The following CADM2 variants were observed in gnomAD, a reference collection of about 807,000 sequenced individuals.
CADM2 encodes immunoglobulin superfamily member 4D.
A neutral mutation model predicts 49.8 loss-of-function variants in CADM2; 12 were observed. The observed-to-expected ratio is 0.24, with a 90% CI of 0.15 to 0.39. The LOEUF (loss-of-function observed/expected upper bound fraction) is 0.39, where lower values mean the gene tolerates loss of function less well. CADM2 is among the 10% of genes least tolerant of loss of function. The pLI is 1.00. For missense variants in CADM2, 378 were observed against 492.3 expected (o/e 0.77, Z 2.20); for synonymous variants, 214 against 175.4 (o/e 1.22, Z -1.74).
intron 1 of CADM2, among the ~76,000 whole-genome samples, chr3:85,089,665 C>A (rs1262249132): frequency 6.6e-6 from 1 of 152,062 alleles, no homozygotes; most frequent in African/African-American, 2.4e-5. Flanking sequence ...TTAACTGGAA[C>A]ATTTTTTGTC....
intron 6 of CADM2, among the ~76,000 whole-genome samples, chr3:85,926,085 C>A (rs1450005336): frequency 6.6e-6 from 1 of 150,648 alleles, no homozygotes; most frequent in East Asian, 2.0e-4. Context: ...TGCAGTGAGC[C>A]GAGATCATAC....
At chr3:85,414,080 G>A (rs2107478046) in intron 1 of CADM2, among the ~76,000 whole-genome samples, 1 of 152,170 alleles carries the variant, frequency 6.6e-6, no homozygotes, top group Non-Finnish European at 1.5e-5. Flanking sequence ...GGTCAGGCTG[G>A]TCTCAAACTC....
chr3:85,629,861 A>G (rs1300754146), intron 1 of CADM2, among the ~76,000 whole-genome samples: 3 of 152,102 alleles, frequency 2.0e-5, no homozygotes, highest in African/African-American at 7.2e-5. Context: ...GTTTTCTTAA[A>G]CTTCTCAATT....
intron 1 of CADM2, among the ~76,000 whole-genome samples, chr3:85,393,280 G>C (rs2107405354): frequency 6.6e-6 from 1 of 152,178 alleles, no homozygotes; most frequent in South Asian, 2.1e-4. Flanking sequence ...CGCACATAAT[G>C]ATGTCCAAAG....
intron 8 of CADM2, chr3:85,994,577 C>G (rs988542884): frequency 6.6e-6 from 1 of 152,184 alleles, no homozygotes. Context: ...TTTCAGCATG[C>G]CTTCCTCACT....
At chr3:85,917,272 GT>G (rs1718476209) in intron 6 of CADM2, among the ~76,000 whole-genome samples, 1 of 152,086 alleles carries the variant, frequency 6.6e-6, no homozygotes, top group Non-Finnish European at 1.5e-5. Context: ...TATTGCCTAG[GT>G]TTTCTTCTAG....
intron 1 of CADM2, among the ~76,000 whole-genome samples, chr3:85,608,424 T>C (rs541427919): frequency 4.2e-4 from 64 of 152,264 alleles, no homozygotes; most frequent in African/African-American, 1.5e-3. Context: ...AAAAGGCTTA[T>C]TTTTGTTTAC....
chr3:85,839,370 T>A (rs1008968318), intron 3 of CADM2, among the ~76,000 whole-genome samples: 8 of 151,988 alleles, frequency 5.3e-5, no homozygotes, highest in Non-Finnish European at 1.0e-4. Flanking sequence ...CATTTTGTAA[T>A]ATTTATAATA....
chr3:85,896,900 T>C (rs1426565725), intron 5 of CADM2, among the ~76,000 whole-genome samples: 2 of 152,196 alleles, frequency 1.3e-5, no homozygotes, highest in Non-Finnish European at 1.5e-5. Context: ...GGTGGTAGTT[T>C]ACAAAATGCA....
At chr3:85,769,940 A>G (rs879371928) in intron 2 of CADM2, among the ~76,000 whole-genome samples, 34 of 152,048 alleles carry the variant, frequency 2.2e-4, no homozygotes, top group Non-Finnish European at 4.7e-4. Flanking sequence ...AAATAAAAAT[A>G]TGTGTTCAAA....
chr3:85,955,361 A>C (rs932380020), intron 7 of CADM2, among the ~76,000 whole-genome samples: 10 of 151,614 alleles, frequency 6.6e-5, no homozygotes, highest in African/African-American at 2.2e-4. Flanking sequence ...CAAATTTTGC[A>C]TAGTGTTTAA....
intron 1 of CADM2, among the ~76,000 whole-genome samples, chr3:85,668,283 C>T (rs1253938648): frequency 1.8e-5 from 2 of 109,652 alleles, no homozygotes; most frequent in Non-Finnish European, 3.4e-5. Flanking sequence ...TCATGTTTTC[C>T]TAGTACCAAA....
At chr3:85,012,374 C>G (rs997031656) in intron 1 of CADM2, among the ~76,000 whole-genome samples, 1 of 150,428 alleles carries the variant, frequency 6.6e-6, no homozygotes. Flanking sequence ...ATTTCCAATA[C>G]AGCCTAATGT....
chr3:85,839,806 T>C (rs1221337961), intron 3 of CADM2, among the ~76,000 whole-genome samples: 1 of 151,892 alleles, frequency 6.6e-6, no homozygotes, highest in African/African-American at 2.4e-5. Context: ...AATAAATGGC[T>C]ATGTATTCTT....
intron 8 of CADM2, among the ~76,000 whole-genome samples, chr3:86,056,673 A>T (rs1471388858): frequency 6.6e-6 from 1 of 152,196 alleles, no homozygotes; most frequent in Non-Finnish European, 1.5e-5. Context: ...CCTGATAATC[A>T]CATTGCACTT....
At chr3:85,554,297 G>A (rs1390004126) in intron 1 of CADM2, among the ~76,000 whole-genome samples, 2 of 152,174 alleles carry the variant, frequency 1.3e-5, no homozygotes, top group Non-Finnish European at 2.9e-5. Context: ...TGCCGCCCCT[G>A]AATCTGACAG....
chr3:85,098,406 C>G (rs1559660105), intron 1 of CADM2, among the ~76,000 whole-genome samples: 1 of 151,932 alleles, frequency 6.6e-6, no homozygotes, highest in Non-Finnish European at 1.5e-5. Context: ...TTACCACTTA[C>G]CAAATTGTAT....
Position 86,003,379 on chromosome 3 carries a change from C to T in CADM2, c.970+41732C>T, listed in dbSNP as rs118182969. Among the ~76,000 whole-genome samples the T allele has an allele frequency of 1.5e-3, 232 of 152,198 alleles. 1 individual carries two copies. The East Asian group carries it at 0.037, about 25-fold the overall frequency. ...AATCCTTTTTTCTCTAATCCAATAA[C>T]CCCATGTCTTCTGCCAGCATCTATG... On this transcript the variant is annotated intron_variant, in intron 8 of 9. Transcript: ENST00000383699.
intron 1 of CADM2, among the ~76,000 whole-genome samples, chr3:84,983,221 TAA>T (rs2032320515): frequency 6.6e-6 from 1 of 152,148 alleles, no homozygotes; most frequent in Non-Finnish European, 1.5e-5. Context: ...AAAATAGATA[TAA>T]AGTTTTTTTC....
Sources: allele counts gnomAD v4.1 joint callset (sites outside exome capture counted in the v4.1 genomes callset), GRCh38; gene constraint gnomAD v4.1.1; transcripts MANE v1.5; gene names NCBI Gene and HGNC (gene_info 2026-07-23, HGNC 2026-07-21).